The following NEO1 variants were observed in gnomAD, a reference collection of about 807,000 sequenced individuals.
NEO1 encodes the protein neogenin 1.
NEO1 carries 63 observed loss-of-function variants against 159.7 expected under a neutral mutation model. The ratio of observed to expected loss-of-function variants is 0.39; its 90% CI spans 0.32 to 0.49. NEO1 has a LOEUF of 0.49. Ranked by LOEUF, NEO1 falls within the 20% of genes least tolerant of loss-of-function variation. The pLI is 0.85. For synonymous variants in NEO1, 633 were observed against 662.0 expected (o/e 0.96, Z 0.67); for missense variants, 1,615 against 1,831.0 (o/e 0.88, Z 2.15).
chr15:73,115,128 C>T (rs569184997), intron 1 of NEO1, among the ~76,000 whole-genome samples: 2 of 152,064 alleles, frequency 1.3e-5, no homozygotes, highest in South Asian at 2.1e-4. Context: ...CTGCAACCTC[C>T]ACCTCCCAGG....
At chr15:73,216,005 A>G (rs2037857495) in intron 7 of NEO1, among the ~76,000 whole-genome samples, 1 of 152,060 alleles carries the variant, frequency 6.6e-6, no homozygotes, top group African/African-American at 2.4e-5. Flanking sequence ...ATATGTATAC[A>G]TGTGCCATAC....
At chr15:73,258,487 G>A (rs565659147) in intron 13 of NEO1, among the ~76,000 whole-genome samples, 14 of 152,182 alleles carry the variant, frequency 9.2e-5, no homozygotes, top group South Asian at 6.2e-4. Flanking sequence ...TCTCTGAGGT[G>A]CCTTCAAGCT....
Position 73,161,870 on chromosome 15 carries a change from T to C in NEO1, c.1016-14533T>C, listed in dbSNP as rs2034206109. ...ATAATTGACGAACTTGGCTTCCACT[T>C]TGGGAAGAAAACCAGCTTTTTCTGT... On this transcript the variant is annotated intron_variant, in intron 5 of 28. Transcript: ENST00000261908. 1.4e-5 allele frequency: 3 copies of C among 210,812 alleles called. No individual in the cohort carries two copies. The South Asian group carries it at 2.3e-4, about 16-fold the overall frequency. 13.1% of individuals were successfully genotyped at this position (210,812 alleles called of 1,614,324 possible).
intron 5 of NEO1, among the ~76,000 whole-genome samples, chr15:73,155,148 G>A (rs1388915924): frequency 1.3e-5 from 2 of 151,472 alleles, no homozygotes; most frequent in African/African-American, 2.4e-5. Flanking sequence ...GACTTTTTCT[G>A]GGAAAGAATT....
intron 7 of NEO1, among the ~76,000 whole-genome samples, chr15:73,207,306 A>C (rs1294056865): frequency 6.6e-6 from 1 of 152,156 alleles, no homozygotes; most frequent in African/African-American, 2.4e-5. Flanking sequence ...AAACTTAAAA[A>C]CATTAAATAA....
At chr15:73,294,625 C>T (rs920474631) in intron 26 of NEO1, among the ~76,000 whole-genome samples, 4 of 152,090 alleles carry the variant, frequency 2.6e-5, no homozygotes, top group Non-Finnish European at 5.9e-5. Flanking sequence ...CTGTAACCTC[C>T]ACCTCCTGGG....
intron 7 of NEO1, among the ~76,000 whole-genome samples, chr15:73,181,236 A>G (rs1326022277): frequency 2.0e-5 from 3 of 152,238 alleles, no homozygotes; most frequent in Non-Finnish European, 2.9e-5. Flanking sequence ...ATCAGAGTGC[A>G]TGATTATAAA....
chr15:73,264,095 G>A (rs2040772043), intron 15 of NEO1, among the ~76,000 whole-genome samples: 1 of 152,104 alleles, frequency 6.6e-6, no homozygotes, highest in Non-Finnish European at 1.5e-5. Context: ...GCTGAGATAG[G>A]AGGATCGCTT....
At chr15:73,209,836 C>A (rs1379585643) in intron 7 of NEO1, among the ~76,000 whole-genome samples, 1 of 151,800 alleles carries the variant, frequency 6.6e-6, no homozygotes. Flanking sequence ...TACTAAAAAA[C>A]AAACAAAAAA....
At chr15:73,257,422 T>C (rs191311342) in intron 13 of NEO1, among the ~76,000 whole-genome samples, 142 of 152,326 alleles carry the variant, frequency 9.3e-4, no homozygotes, top group Non-Finnish European at 1.4e-3. Flanking sequence ...GATTTATTCA[T>C]TTAATAGATT....
chr15:73,269,893 C>G, intron 16 of NEO1, 117 bp from the exon 17 acceptor site: 6 of 805,954 alleles, frequency 7.4e-6, no homozygotes, highest in South Asian at 5.1e-5. Flanking sequence ...TCTGAATTTT[C>G]TTTCTTTTTC....
chr15:73,281,005 AC>A (rs2151085765), intron 22 of NEO1, among the ~76,000 whole-genome samples: 1 of 151,786 alleles, frequency 6.6e-6, no homozygotes, highest in South Asian at 2.1e-4. Context: ...GGAGATCGAG[AC>A]CATCCTGGCA....
In NEO1 at chr15:73,293,671, A is replaced by G. The variant is rs577539550; in HGVS notation, c.3901+123A>G. 3.1e-5 allele frequency: 33 copies of G among 1,071,890 alleles called. No homozygotes were observed. The African/African-American group carries it at 4.9e-4, about 16-fold the overall frequency. 66.4% of individuals were successfully genotyped at this position (1,071,890 alleles called of 1,614,324 possible). ...ATTTTTCTGTTTTATTTAACTTAGCATAACATTTCTGTGACTGACTCAAAT... is the reference window on the plus strand; with the variant it reads ...ATTTTTCTGTTTTATTTAACTTAGCGTAACATTTCTGTGACTGACTCAAAT... On this transcript the variant is annotated intron_variant, in intron 26 of 28. Transcript: ENST00000261908.
chr15:73,135,628 C>T (rs2031665048), intron 4 of NEO1, among the ~76,000 whole-genome samples: 1 of 152,084 alleles, frequency 6.6e-6, no homozygotes, highest in African/African-American at 2.4e-5. Context: ...AAGAGTGATA[C>T]CCCTTTGGAA....
rs2071743734 is a variant in NEO1 at position 73,122,753 on chromosome 15, G to T, written c.677G>T (p.Gly226Val). 1 of 1,614,062 alleles carries T rather than the reference G, an allele frequency of 6.2e-7. No homozygotes were observed. The highest frequency in any genetic ancestry group is 8.5e-7 in the Non-Finnish European group (1 of 1,180,018). ...GGLYRCVVES[G>V]GPPKYSDEVE... is the part of the protein sequence containing the mutation. ...CTTTATCGCTGCGTAGTGGAAAGTG[G>T]TGGGCCACCAAAGTATAGTGATGAA... Residue 226 changes from glycine (G) to valine (V), a missense_variant, in exon 3 of 29, where the codon GGT (glycine) becomes GTT (valine). By Grantham distance (109) the Gly-to-Val change is moderately radical (BLOSUM62 -3). Coordinates refer to ENST00000261908, the MANE Select transcript of NEO1 (RefSeq NM_002499.4).
chr15:73,058,461 T>TAGGA, intron 1 of NEO1, among the ~76,000 whole-genome samples: 1 of 152,208 alleles, frequency 6.6e-6, no homozygotes. Context: ...AATTGTGTAT[T>TAGGA]CTCCTGTTAT....
chr15:73,171,870 G>A (rs1027991249), intron 5 of NEO1, among the ~76,000 whole-genome samples: 5 of 151,908 alleles, frequency 3.3e-5, no homozygotes, highest in African/African-American at 1.2e-4. Flanking sequence ...TTGAACTCCT[G>A]ACCTCAGGTG....
At chr15:73,232,465 T>C (rs1295027346) in intron 7 of NEO1, among the ~76,000 whole-genome samples, 1 of 152,100 alleles carries the variant, frequency 6.6e-6, no homozygotes, top group Non-Finnish European at 1.5e-5. Flanking sequence ...GTTTGGGGAG[T>C]GCATTCAAAA....
chr15:73,244,976 A>AAC (rs2039699203), intron 9 of NEO1, among the ~76,000 whole-genome samples: 1 of 148,084 alleles, frequency 6.8e-6, no homozygotes, highest in African/African-American at 2.5e-5. Flanking sequence ...AAAAAAAAAA[A>AAC]AAAAAAACAA....
Sources: gnomAD v4.1 joint callset for allele counts (sites outside exome capture counted in the v4.1 genomes callset) on GRCh38, gnomAD v4.1.1 for gene constraint, MANE v1.5 for transcripts, NCBI Gene and HGNC (gene_info 2026-07-23, HGNC 2026-07-21) for gene names.